FAM184A: variants seen among roughly 807,000 people sequenced by gnomAD.
FAM184A encodes the protein protein FAM184A.
Under a neutral mutation model 143.8 loss-of-function variants are expected in FAM184A, and 99 were observed. The ratio of observed to expected loss-of-function variants is 0.69; its 90% CI spans 0.58 to 0.81. The LOEUF is 0.81. Ranked by LOEUF, FAM184A falls within the 40% of genes least tolerant of loss-of-function variation. The probability of loss-of-function intolerance (pLI) is 0.00; values close to 1 mark genes in which losing one functional copy is unlikely to be tolerated. For missense variants in FAM184A, 1,217 were observed against 1,310.5 expected (o/e 0.93, Z 1.10); for synonymous variants, 427 against 446.4 (o/e 0.96, Z 0.55).
intron 1 of FAM184A, among the ~76,000 whole-genome samples, chr6:119,107,351 T>G (rs1788812638): frequency 6.6e-6 from 1 of 152,130 alleles, no homozygotes; most frequent in South Asian, 2.1e-4. Flanking sequence ...GGAATAGAAG[T>G]AAAGATTATA....
intron 1 of FAM184A, among the ~76,000 whole-genome samples, chr6:119,115,970 A>AACACACACACACAC (rs66707302): frequency 0.051 from 7,037 of 137,268 alleles, 255 homozygotes; most frequent in Non-Finnish European, 0.07. Context: ...CTCCGTCTCA[A>AACACACACACACAC]ACACACACAC....
At chr6:118,966,370 C>G (rs1562453645) in intron 15 of FAM184A, among the ~76,000 whole-genome samples, 2 of 152,118 alleles carry the variant, frequency 1.3e-5, no homozygotes, top group Non-Finnish European at 2.9e-5. Flanking sequence ...GATTATGGAA[C>G]ATTTTTTTTC....
chr6:119,133,701 C>G (rs1426743767), intron 1 of FAM184A, among the ~76,000 whole-genome samples: 3 of 152,082 alleles, frequency 2.0e-5, no homozygotes, highest in African/African-American at 7.2e-5. Context: ...GCACTCTTAG[C>G]TGCTGGGAGA....
chr6:119,097,595 T>C (rs1326585564), intron 1 of FAM184A, among the ~76,000 whole-genome samples: 1 of 152,200 alleles, frequency 6.6e-6, no homozygotes, highest in Non-Finnish European at 1.5e-5. Context: ...TAGCCCTGGT[T>C]ACTTGCTAAG....
chr6:119,055,943 T>A (rs1413885144), intron 1 of FAM184A, among the ~76,000 whole-genome samples: 1 of 152,166 alleles, frequency 6.6e-6, no homozygotes, highest in Non-Finnish European at 1.5e-5. Context: ...CCCATCTTGA[T>A]AACAGATATG....
chr6:119,115,817 A>G (rs1313686698), intron 1 of FAM184A, among the ~76,000 whole-genome samples: 1 of 151,668 alleles, frequency 6.6e-6, no homozygotes, highest in Non-Finnish European at 1.5e-5. Context: ...ACAAAAAAAA[A>G]AAATAGCCTG....
intron 1 of FAM184A, among the ~76,000 whole-genome samples, chr6:119,057,285 T>C (rs1490631772): frequency 1.3e-5 from 2 of 152,168 alleles, no homozygotes; most frequent in East Asian, 1.9e-4. Context: ...AGTGACAATA[T>C]CCAAAGTGCA....
At chr6:119,073,047 G>A (rs897800342) in intron 1 of FAM184A, among the ~76,000 whole-genome samples, 1 of 152,162 alleles carries the variant, frequency 6.6e-6, no homozygotes, top group Non-Finnish European at 1.5e-5. Context: ...CCCTAGAGCT[G>A]AGAACCTTAC....
chr6:119,104,237 G>C (rs934051686), intron 1 of FAM184A, among the ~76,000 whole-genome samples: 2 of 152,040 alleles, frequency 1.3e-5, no homozygotes, highest in Non-Finnish European at 2.9e-5. Flanking sequence ...AAACCCCTGG[G>C]CTCAAGCAAT....
chr6:119,046,586 A>C (rs1395534816), intron 1 of FAM184A, among the ~76,000 whole-genome samples: 1 of 152,206 alleles, frequency 6.6e-6, no homozygotes, highest in Non-Finnish European at 1.5e-5. Context: ...CTATGCAAAA[A>C]TACACCATAA....
Position 118,994,959 on chromosome 6 carries a change from T to C in FAM184A, c.2088+7940A>G, listed in dbSNP as rs571244288. Among the ~76,000 whole-genome samples the C allele has an allele frequency of 7.9e-5, 12 of 152,352 alleles. 1 individual carries two copies. Among genetic ancestry groups the C allele is most frequent in the African/African-American group, 2.9e-4 (12 of 41,592 alleles). On this transcript the variant is annotated intron_variant, in intron 9 of 17. Transcript: ENST00000338891. ...ATCCATGAATTTCCATAATTGTTAT[T>C]GCTCGACTTTCAATTCTACTTTGAA...
intron 1 of FAM184A, among the ~76,000 whole-genome samples, chr6:119,139,853 G>C (rs954914209): frequency 6.6e-6 from 1 of 152,186 alleles, no homozygotes; most frequent in Non-Finnish European, 1.5e-5. Flanking sequence ...CCTGATTCCA[G>C]GTAAGAAACT....
chr6:119,082,617 C>A (rs1019230901), upstream of FAM184A, among the ~76,000 whole-genome samples: 3 of 152,258 alleles, frequency 2.0e-5, no homozygotes, highest in African/African-American at 4.8e-5. Context: ...CTCATTAAAT[C>A]TTAGGACTCC....
Position 119,011,178 on chromosome 6 carries a change from TAA to T in FAM184A, c.1653+129_1653+130del. The T allele has an allele frequency of 4.1e-6, 3 of 732,894 alleles. No individual in the cohort carries two copies. In the South Asian group the frequency reaches 6.6e-5, roughly 16 times the overall value. 45.4% of individuals were successfully genotyped at this position (732,894 alleles called of 1,614,324 possible). A position where few individuals can be genotyped will look rare whatever the true frequency, so the allele number is the denominator to read the frequency against. The stretch of plus-strand genomic sequence containing the variant: ...GTGTCATGAAAAATTCAACACCAAT[TAA>T]AGTTTTTAAATTATTTTTATTCTAG... On this transcript the variant is annotated intron_variant, in intron 6 of 17. Transcript: ENST00000338891.
intron 9 of FAM184A, among the ~76,000 whole-genome samples, chr6:118,986,370 A>G (rs866887898): frequency 1.3e-5 from 2 of 152,194 alleles, no homozygotes; most frequent in Non-Finnish European, 2.9e-5. Context: ...AAAGTTATCT[A>G]TGAAGGACAG....
chr6:119,041,767 C>G (rs1562485645), intron 1 of FAM184A, among the ~76,000 whole-genome samples: 1 of 152,212 alleles, frequency 6.6e-6, no homozygotes. Flanking sequence ...CCCACTGCCA[C>G]TCTGGATCGG....
chr6:119,083,887 C>G (rs1479940673), intron 1 of FAM184A, among the ~76,000 whole-genome samples: 2 of 152,146 alleles, frequency 1.3e-5, no homozygotes, highest in African/African-American at 2.4e-5. Flanking sequence ...ACAGCAATAC[C>G]CCACTATCCC....
chr6:119,001,518 A>AT (rs1784755859), intron 9 of FAM184A, among the ~76,000 whole-genome samples: 1 of 152,194 alleles, frequency 6.6e-6, no homozygotes, highest in Non-Finnish European at 1.5e-5. Context: ...GATGCAAAGC[A>AT]TTAGGTCCTC....
intron 9 of FAM184A, among the ~76,000 whole-genome samples, chr6:118,994,734 TAAAA>T (rs199779949): frequency 0.051 from 4,706 of 92,256 alleles, 129 homozygotes; most frequent in African/African-American, 0.075. Flanking sequence ...AATAAATAAA[TAAAA>T]AGCCAGAGGG....
Sources: allele counts gnomAD v4.1 joint callset (sites outside exome capture counted in the v4.1 genomes callset), GRCh38; gene constraint gnomAD v4.1.1; transcripts MANE v1.5; gene names NCBI Gene and HGNC (gene_info 2026-07-23, HGNC 2026-07-21).